Variants in ZNF431 observed in about 807,000 individuals in gnomAD.
ZNF431 encodes zinc finger protein 431.
A neutral mutation model predicts 57.0 loss-of-function variants in ZNF431; 34 were observed. That is an observed-to-expected ratio of 0.60 (90% CI 0.45 to 0.79). ZNF431 has a LOEUF of 0.79. Among genes scored for constraint, ZNF431 ranks in the 30% least tolerant of loss-of-function variants. The pLI is 0.00. For synonymous variants in ZNF431, 207 were observed against 220.3 expected (o/e 0.94, Z 0.54); for missense variants, 607 against 667.1 (o/e 0.91, Z 0.99).
intron 2 of ZNF431, among the ~76,000 whole-genome samples, chr19:21,148,254 C>T (rs1026271504): frequency 2.0e-5 from 3 of 152,162 alleles, no homozygotes; most frequent in Admixed American, 1.3e-4. Context: ...CTTGGCCTCC[C>T]AAAGTGCTGA....
Position 21,185,999 on chromosome 19 carries a change from A to G in ZNF431, c.*1965A>G, listed in dbSNP as rs1971366411. ...CTAAATTCTTAATAAATATTTTCTCATGCCAGGTGTGGTGGCTCACGTCTG... is the reference window on the plus strand; with the variant it reads ...CTAAATTCTTAATAAATATTTTCTCGTGCCAGGTGTGGTGGCTCACGTCTG... On this transcript the variant is annotated 3_prime_UTR_variant, in exon 5 of 5. Transcript: ENST00000311048. 2 of 152,116 alleles carry G rather than the reference A, an allele frequency of 1.3e-5. No homozygotes were observed. The highest frequency in any genetic ancestry group is 6.5e-5 in the Admixed American group (1 of 15,270). 9.4% of individuals were successfully genotyped at this position (152,116 alleles called of 1,614,324 possible). A position where few individuals can be genotyped will look rare whatever the true frequency, so the allele number is the denominator to read the frequency against.
At chr19:21,157,372 C>G (rs1374566636) in intron 2 of ZNF431, among the ~76,000 whole-genome samples, 2 of 152,040 alleles carry the variant, frequency 1.3e-5, no homozygotes, top group East Asian at 3.9e-4. Flanking sequence ...TATTGACTTT[C>G]TAATTACAGC....
Position 21,188,493 on chromosome 19 carries a change from T to C in ZNF431, c.*4459T>C, listed in dbSNP as rs187939316. The C allele has an allele frequency of 4.7e-4, 72 of 152,302 alleles. No individual in the cohort carries two copies. The highest frequency in any genetic ancestry group is 1.7e-3 in the African/African-American group (72 of 41,560). 9.4% of individuals were successfully genotyped at this position (152,302 alleles called of 1,614,324 possible). On this transcript the variant is annotated 3_prime_UTR_variant, in exon 5 of 5. Coordinates refer to ENST00000311048, the MANE Select transcript of ZNF431 (RefSeq NM_133473.4). ...GCACAACTTATATTTCCATGCAGAA[T>C]CTTTTATTTTTAAGTGTGAGTGTTA...
At chr19:21,144,735 A>G (rs952600937) in intron 2 of ZNF431, among the ~76,000 whole-genome samples, 1 of 152,178 alleles carries the variant, frequency 6.6e-6, no homozygotes, top group African/African-American at 2.4e-5. Context: ...AAAAATCTCT[A>G]TTCATTCTGG....
chr19:21,159,982 CTTTT>C (rs11291342), intron 2 of ZNF431, among the ~76,000 whole-genome samples: 3 of 126,364 alleles, frequency 2.4e-5, no homozygotes, highest in African/African-American at 3.0e-5. Flanking sequence ...TTGCCTCAGC[CTTTT>C]TTTTTTTTTT....
Position 21,182,881 on chromosome 19 carries a change from G to C in ZNF431, c.578G>C (p.Arg193Thr), listed in dbSNP as rs778011903. 1 of 1,613,816 alleles carries C rather than the reference G, an allele frequency of 6.2e-7. No individual in the cohort carries two copies. The highest frequency in any genetic ancestry group is 1.3e-5 in the African/African-American group (1 of 74,912). Reference sequence around the variant, plus strand: ...TTTCATAAATTTTTAAATGCAAATAGACATAAGACAAGACATACTGGAAAG... The same window carrying C: ...TTTCATAAATTTTTAAATGCAAATACACATAAGACAAGACATACTGGAAAG... ...KVFHKFLNAN[R>T]HKTRHTGKKP... Residue 193 changes from arginine to threonine, a missense_variant, in exon 5 of 5, where the codon AGA becomes ACA. Physicochemically the swap from Arg to Thr is moderately conservative, Grantham distance 71. Coordinates refer to ENST00000311048, the MANE Select transcript of ZNF431 (RefSeq NM_133473.4).
chr19:21,174,748 G>GTATGTATGTATT (rs1330247135), intron 4 of ZNF431, among the ~76,000 whole-genome samples: 1 of 151,942 alleles, frequency 6.6e-6, no homozygotes, highest in African/African-American at 2.4e-5. Context: ...ATAAATGTAT[G>GTATGTATGTATT]TATGTATGTA....
At chr19:21,149,464 G>A (rs1970202391) in intron 2 of ZNF431, among the ~76,000 whole-genome samples, 2 of 152,058 alleles carry the variant, frequency 1.3e-5, no homozygotes, top group Admixed American at 6.6e-5. Context: ...TTTGATTTAC[G>A]CTCTTACTAT....
At chr19:21,181,982 G>A (rs947286695) in intron 4 of ZNF431, among the ~76,000 whole-genome samples, 2 of 152,142 alleles carry the variant, frequency 1.3e-5, no homozygotes, top group Non-Finnish European at 2.9e-5. Flanking sequence ...TCTCAAACAT[G>A]TTCTTTGAAT....
chr19:21,159,396 C>T (rs962333295), intron 2 of ZNF431, among the ~76,000 whole-genome samples: 17 of 151,566 alleles, frequency 1.1e-4, no homozygotes, highest in African/African-American at 2.7e-4. Flanking sequence ...TTGTTGGAGG[C>T]GGAGTCTCAC....
intron 2 of ZNF431, among the ~76,000 whole-genome samples, chr19:21,162,144 T>TTATG (rs1417739477): frequency 1.5e-5 from 1 of 66,072 alleles, no homozygotes; most frequent in South Asian, 5.1e-4. Flanking sequence ...ATCCAGCTAA[T>TTATG]TGTGTGTGTG....
At chr19:21,154,892 C>T (rs1970378077) in intron 2 of ZNF431, among the ~76,000 whole-genome samples, 1 of 152,112 alleles carries the variant, frequency 6.6e-6, no homozygotes, top group Non-Finnish European at 1.5e-5. Flanking sequence ...ATAAATTTGT[C>T]TGAGTTCATT....
chr19:21,157,962 G>C (rs6511205), intron 2 of ZNF431, among the ~76,000 whole-genome samples: 112,529 of 151,724 alleles, frequency 0.74, 42,740 homozygotes, highest in Middle Eastern at 0.86. Context: ...GTTTGAAGTG[G>C]GGTAATGTAA....
chr19:21,181,822 TG>T (rs1379675551), intron 4 of ZNF431, among the ~76,000 whole-genome samples: 9 of 152,296 alleles, frequency 5.9e-5, no homozygotes, highest in African/African-American at 1.9e-4. Flanking sequence ...CTTATAATTT[TG>T]GTGGAGCGAT....
rs929049435 is a variant in ZNF431, at chr19:21,185,447, G to C, written c.*1413G>C. The C allele has an allele frequency of 3.9e-5, 6 of 152,108 alleles. No homozygotes were observed. The highest frequency in any genetic ancestry group is 1.4e-4 in the African/African-American group (6 of 41,420). The allele number at this position is 152,108 out of a possible 1,614,324, so 9.4% of individuals were successfully genotyped here. A position where few individuals can be genotyped will look rare whatever the true frequency, so the allele number is the denominator to read the frequency against. The stretch of plus-strand genomic sequence containing the variant: ...TAATTGTTGCTACATCAAAGAGAGA[G>C]ATTCTTTTGTTTGTTTGTTCGTTTG... On this transcript the variant is annotated 3_prime_UTR_variant, in exon 5 of 5. Coordinates refer to ENST00000311048, the MANE Select transcript of ZNF431 (RefSeq NM_133473.4).
chr19:21,176,841 C>A (rs966353307), intron 4 of ZNF431, among the ~76,000 whole-genome samples: 1 of 151,966 alleles, frequency 6.6e-6, no homozygotes, highest in African/African-American at 2.4e-5. Flanking sequence ...GGATTACAGG[C>A]GCCTGCCACC....
rs1347705706 is a variant in ZNF431, at chr19:21,187,844, A to C, written c.*3810A>C. 3 of 152,218 alleles carry C rather than the reference A, an allele frequency of 2.0e-5. No individual in the cohort carries two copies. The highest frequency in any genetic ancestry group is 2.9e-5 in the Non-Finnish European group (2 of 68,038). 9.4% of individuals were successfully genotyped at this position (152,218 alleles called of 1,614,324 possible). ...TATTCTTTTTCTGAGTTATAGCTAC[A>C]GTTTTCTTACTGTTGTCTTCATGCC... is the stretch of plus-strand genomic sequence containing the variant. On this transcript the variant is annotated 3_prime_UTR_variant, in exon 5 of 5. Transcript: ENST00000311048.
chr19:21,160,791 C>T (rs1336111378), intron 2 of ZNF431, among the ~76,000 whole-genome samples: 1 of 152,198 alleles, frequency 6.6e-6, no homozygotes, highest in Non-Finnish European at 1.5e-5. Flanking sequence ...GAGAGTTTCT[C>T]CAGTTTCCTA....
At chr19:21,180,918 C>T (rs1186409085) in intron 4 of ZNF431, among the ~76,000 whole-genome samples, 3 of 146,182 alleles carry the variant, frequency 2.1e-5, no homozygotes, top group East Asian at 2.0e-4. Flanking sequence ...TCCAGCCTGG[C>T]GACAGAGTGA....
Sources: gnomAD v4.1 joint callset for allele counts (sites outside exome capture counted in the v4.1 genomes callset) on GRCh38, gnomAD v4.1.1 for gene constraint, MANE v1.5 for transcripts, NCBI Gene and HGNC (gene_info 2026-07-23, HGNC 2026-07-21) for gene names.